AGAP1: variants seen among roughly 807,000 people sequenced by gnomAD.
AGAP1 encodes arf-GAP with GTPase, ANK repeat and PH domain-containing protein 1.
A neutral mutation model predicts 105.3 loss-of-function variants in AGAP1; 29 were observed. That is an observed-to-expected ratio of 0.28 (90% confidence interval 0.21 to 0.38). The LOEUF (loss-of-function observed/expected upper bound fraction) is 0.38, where lower values mean the gene tolerates loss of function less well. Among genes scored for constraint, AGAP1 ranks in the 10% least tolerant of loss-of-function variants. The pLI is 1.00. For synonymous variants in AGAP1, 509 were observed against 485.9 expected (o/e 1.05, Z -0.63); for missense variants, 998 against 1,165.1 (o/e 0.86, Z 2.09).
At chr2:235,949,140 G>A (rs77854343) in intron 12 of AGAP1, among the ~76,000 whole-genome samples, 719 of 152,310 alleles carry the variant, frequency 4.7e-3, no homozygotes, top group Non-Finnish European at 7.2e-3. Flanking sequence ...TTTGTAAAGT[G>A]CCTGATGTGC....
intron 13 of AGAP1, among the ~76,000 whole-genome samples, chr2:236,008,577 T>TC (rs1411297670): frequency 1.3e-5 from 2 of 152,180 alleles, no homozygotes; most frequent in African/African-American, 4.8e-5. Context: ...GTACCCTTGA[T>TC]CTCCACTTCT....
At position 235,600,549 on chromosome 2, in the gene AGAP1, G is replaced by A. The variant is rs1471903166; in HGVS notation, c.163+105700G>A. Reference sequence around the variant, plus strand: ...TTTATTAAGGAGTATTAACTCACAGGATCACAAGGTCCCACAATAGGCTGG... The same window carrying A: ...TTTATTAAGGAGTATTAACTCACAGAATCACAAGGTCCCACAATAGGCTGG... On this transcript the variant is annotated intron_variant, in intron 1 of 17. Transcript: ENST00000304032. The surrounding 1 kb of genome is among the most constrained non-coding windows in gnomAD (Gnocchi z 4.8). Among the ~76,000 whole-genome samples, 1 of 152,112 alleles carries A rather than the reference G, an allele frequency of 6.6e-6. No homozygotes were observed. Among genetic ancestry groups the A allele is most frequent in the African/African-American group, 2.4e-5 (1 of 41,398 alleles).
chr2:235,585,745 C>A (rs1490453023), intron 1 of AGAP1, among the ~76,000 whole-genome samples: 1 of 151,996 alleles, frequency 6.6e-6, no homozygotes, highest in East Asian at 1.9e-4. Flanking sequence ...AGGTAAAAAC[C>A]AACAGGTGCA....
At chr2:235,678,481 G>C (rs1184956891) in intron 1 of AGAP1, among the ~76,000 whole-genome samples, 1 of 152,202 alleles carries the variant, frequency 6.6e-6, no homozygotes, top group Non-Finnish European at 1.5e-5. Context: ...TTTGGAAGAA[G>C]CTGGCTTCTC....
chr2:235,727,193 G>A (rs928984449), intron 3 of AGAP1, among the ~76,000 whole-genome samples: 116 of 152,186 alleles, frequency 7.6e-4, no homozygotes, highest in African/African-American at 2.6e-3. Flanking sequence ...GGGGAGATGA[G>A]GTCAGCCTAA....
intron 16 of AGAP1, among the ~76,000 whole-genome samples, chr2:236,097,226 G>A (rs556513544): frequency 2.0e-5 from 3 of 152,076 alleles, no homozygotes; most frequent in South Asian, 4.2e-4. Context: ...TTAATTTTAA[G>A]TTCTTTGGCT....
At position 235,700,097 on chromosome 2, in the gene AGAP1, T is replaced by C. The variant is rs1229066480; in HGVS notation, c.164-9082T>C. 2.0e-5 allele frequency among the ~76,000 whole-genome samples: 3 copies of C among 152,168 alleles called. No homozygotes were observed. Among genetic ancestry groups the C allele is most frequent in the Admixed American group, 6.5e-5 (1 of 15,282 alleles). On this transcript the variant is annotated intron_variant, in intron 1 of 17. Coordinates refer to ENST00000304032, the MANE Select transcript of AGAP1 (RefSeq NM_001037131.3). The surrounding 1 kb of genome is among the most constrained non-coding windows in gnomAD (Gnocchi z 6.1). Reference sequence around the variant, plus strand: ...CCTAGGAAGATGCTTGCAACAAAACTTGTTATCACCTTGGTTTATAACAGT... The same window carrying C: ...CCTAGGAAGATGCTTGCAACAAAACCTGTTATCACCTTGGTTTATAACAGT...
Position 235,930,980 on chromosome 2 carries a change from G to A in AGAP1, c.1483+57G>A. The A allele has an allele frequency of 6.3e-7, 1 of 1,583,252 alleles. No homozygotes were observed. Among genetic ancestry groups the A allele is most frequent in the South Asian group, 1.2e-5 (1 of 86,268 alleles). On this transcript the variant is annotated intron_variant, in intron 12 of 17. Coordinates refer to ENST00000304032, the MANE Select transcript of AGAP1 (RefSeq NM_001037131.3). The surrounding 1 kb of genome is among the most constrained non-coding windows in gnomAD (Gnocchi z 7.9). The stretch of plus-strand genomic sequence containing the variant: ...GCCACCTCAAGGTCCTTCGTTGTAA[G>A]CCAGGGGCTGGACAGGACGCCCTAA...
rs1229375569 is a variant in AGAP1 at position 236,046,049 on chromosome 2, A to T, written c.1892-3010A>T. The T allele has an allele frequency of 4.2e-6, 2 of 470,712 alleles. No homozygotes were observed. Among genetic ancestry groups the T allele is most frequent in the Non-Finnish European group, 8.8e-6 (2 of 226,672 alleles). 29.2% of individuals were successfully genotyped at this position (470,712 alleles called of 1,614,324 possible). On this transcript the variant is annotated intron_variant, in intron 15 of 17. Coordinates refer to ENST00000304032, the MANE Select transcript of AGAP1 (RefSeq NM_001037131.3). The surrounding 1 kb of genome is among the most constrained non-coding windows in gnomAD (Gnocchi z 5.2). ...GGGGGGAGGTAGGAGGGGGTGCACC[A>T]CGGTCTGAACGAGGGGCCAGCATGA...
chr2:236,103,830 G>A (rs1309832519), intron 16 of AGAP1, among the ~76,000 whole-genome samples: 1 of 152,076 alleles, frequency 6.6e-6, no homozygotes, highest in Admixed American at 6.5e-5. Flanking sequence ...GCCTCCCAAA[G>A]TGCTGAGATT....
At chr2:236,102,117 A>G (rs978683127) in intron 16 of AGAP1, among the ~76,000 whole-genome samples, 1 of 152,078 alleles carries the variant, frequency 6.6e-6, no homozygotes, top group Admixed American at 6.6e-5. Context: ...CCCCGTCTCT[A>G]CTAAAAATAC....
intron 1 of AGAP1, among the ~76,000 whole-genome samples, chr2:235,619,475 G>A (rs932940593): frequency 2.8e-5 from 4 of 145,148 alleles, no homozygotes; most frequent in Admixed American, 6.9e-5. Context: ...TCAAACCTGG[G>A]GCTGAAGTAG....
intron 10 of AGAP1, among the ~76,000 whole-genome samples, chr2:235,897,787 T>C (rs2050876648): frequency 1.3e-5 from 2 of 152,156 alleles, no homozygotes; most frequent in African/African-American, 4.8e-5. Flanking sequence ...TACTAAGAAA[T>C]TGAATTTCAT....
chr2:235,681,425 C>G (rs1286978653), intron 1 of AGAP1, among the ~76,000 whole-genome samples: 1 of 152,178 alleles, frequency 6.6e-6, no homozygotes, highest in Non-Finnish European at 1.5e-5. Context: ...GGAGTGACTG[C>G]AAACCTAGGC....
rs907407387 is a variant in AGAP1 at position 235,941,855 on chromosome 2, G to GA, written c.1483+10932_1483+10933insA. Among the ~76,000 whole-genome samples the GA allele has an allele frequency of 1.3e-3, 202 of 151,410 alleles. 1 individual carries two copies. The highest frequency in any genetic ancestry group is 2.8e-3 in the Non-Finnish European group (189 of 67,878). On this transcript the variant is annotated intron_variant, in intron 12 of 17. Transcript: ENST00000304032. ...GGCTATGGAGCTTTGTTGTTGGGGG[G>GA]GTAAGAAGGGCGGACACTGAAGGCG...
At chr2:236,074,783 G>A (rs909050475) in intron 16 of AGAP1, among the ~76,000 whole-genome samples, 15 of 152,184 alleles carry the variant, frequency 9.9e-5, no homozygotes, top group African/African-American at 3.4e-4. Flanking sequence ...GGCTGGGCAT[G>A]GTGGCTCATG....
chr2:235,716,081 T>G lies in AGAP1; in HGVS notation c.223-1476T>G, dbSNP rs1951090101. On this transcript the variant is annotated intron_variant, in intron 2 of 17. Transcript: ENST00000304032. The surrounding 1 kb of genome is among the most constrained non-coding windows in gnomAD (Gnocchi z 4.0). ...TAGGCAGCTTTTTTTTCCCCCCACA[T>G]CCAACCTTCTATCAATGAGTTATGA... 6.6e-6 allele frequency among the ~76,000 whole-genome samples: 1 copy of G among 152,136 alleles called. No homozygotes were observed. The highest frequency in any genetic ancestry group is 1.5e-5 in the Non-Finnish European group (1 of 68,024).
At chr2:235,565,418 C>T (rs944873678) in intron 1 of AGAP1, among the ~76,000 whole-genome samples, 1 of 152,194 alleles carries the variant, frequency 6.6e-6, no homozygotes, top group Non-Finnish European at 1.5e-5. Context: ...TTAACAAGTT[C>T]ATCTTAGGGT....
Position 235,962,306 on chromosome 2 carries a change from C to T in AGAP1, c.1484-6156C>T, listed in dbSNP as rs78527960. 3.2e-3 allele frequency among the ~76,000 whole-genome samples: 494 copies of T among 152,116 alleles called. 19 individuals carry two copies. In the East Asian group the frequency reaches 0.086, roughly 26 times the overall value. On this transcript the variant is annotated intron_variant, in intron 12 of 17. Coordinates refer to ENST00000304032, the MANE Select transcript of AGAP1 (RefSeq NM_001037131.3). The surrounding 1 kb of genome is among the most constrained non-coding windows in gnomAD (Gnocchi z 5.3). The stretch of plus-strand genomic sequence containing the variant: ...ACCCTCTCCCAGCCCTGGCCCATGA[C>T]GGTGCTGAGCAGGTGGAGGGCTGGA...
Sources: allele counts gnomAD v4.1 joint callset (sites outside exome capture counted in the v4.1 genomes callset), GRCh38; gene constraint gnomAD v4.1.1; non-coding constraint Gnocchi (gnomAD v3.1); transcripts MANE v1.5; gene names NCBI Gene and HGNC (gene_info 2026-07-23, HGNC 2026-07-21).